PCDH15: variants seen among roughly 807,000 people sequenced by gnomAD.
PCDH15 encodes the protein protocadherin related 15.
In PCDH15, 129 loss-of-function variants were observed where a neutral mutation model predicts 178.5. The observed-to-expected ratio is 0.72, with a 90% CI of 0.63 to 0.84. The LOEUF (loss-of-function observed/expected upper bound fraction) is 0.84, where lower values mean the gene tolerates loss of function less well. Among genes scored for constraint, PCDH15 ranks in the 40% least tolerant of loss-of-function variants. The probability of loss-of-function intolerance (pLI) is 0.00; values close to 1 mark genes in which losing one functional copy is unlikely to be tolerated. For synonymous variants in PCDH15, 800 were observed against 732.0 expected (o/e 1.09, Z -1.50); for missense variants, 2,230 against 2,099.9 (o/e 1.06, Z -1.21).
At chr10:54,185,840 CAT>C (rs372424697) in intron 11 of PCDH15, among the ~76,000 whole-genome samples, 70 of 151,902 alleles carry the variant, frequency 4.6e-4, no homozygotes, top group African/African-American at 1.5e-3. Context: ...CAAATGGAAA[CAT>C]GTTTACTTTA....
At chr10:54,541,444 T>C (rs746127035) in intron 2 of PCDH15, among the ~76,000 whole-genome samples, 63 of 152,184 alleles carry the variant, frequency 4.1e-4, no homozygotes, top group Non-Finnish European at 6.5e-4. Flanking sequence ...ACTTTCTTTT[T>C]AAAAATTATC....
At chr10:55,172,319 T>G (rs544478467) in intron 1 of PCDH15, among the ~76,000 whole-genome samples, 1 of 151,874 alleles carries the variant, frequency 6.6e-6, no homozygotes, top group South Asian at 2.1e-4. Context: ...ATATTGCAGC[T>G]TTTTTTTCAA....
At chr10:55,151,063 C>T (rs1838696649) in intron 2 of PCDH15, among the ~76,000 whole-genome samples, 2 of 152,054 alleles carry the variant, frequency 1.3e-5, no homozygotes, top group Admixed American at 1.3e-4. Flanking sequence ...GCCTATTCAA[C>T]AATGATACAG....
At chr10:55,120,529 A>G (rs147766627) in intron 2 of PCDH15, among the ~76,000 whole-genome samples, 1 of 152,188 alleles carries the variant, frequency 6.6e-6, no homozygotes, top group Admixed American at 6.5e-5. Flanking sequence ...GAGAATAAAT[A>G]GAAGAGATCC....
chr10:55,199,908 C>T (rs1209936800), intron 1 of PCDH15, among the ~76,000 whole-genome samples: 1 of 152,116 alleles, frequency 6.6e-6, no homozygotes, highest in Non-Finnish European at 1.5e-5. Flanking sequence ...GGTTTGGTAG[C>T]CTCCACCTAG....
intron 2 of PCDH15, among the ~76,000 whole-genome samples, chr10:55,145,453 T>C (rs1838481506): frequency 6.6e-6 from 1 of 151,968 alleles, no homozygotes; most frequent in Non-Finnish European, 1.5e-5. Context: ...TAGAGAAGAG[T>C]GTGAACATTC....
intron 2 of PCDH15, among the ~76,000 whole-genome samples, chr10:55,349,038 T>C (rs1216853374): frequency 2.6e-5 from 4 of 152,038 alleles, no homozygotes; most frequent in Non-Finnish European, 1.5e-5. Flanking sequence ...AGGTGACAGA[T>C]TGCATGGACT....
At chr10:54,640,895 G>A (rs2093972671) in intron 2 of PCDH15, among the ~76,000 whole-genome samples, 1 of 152,110 alleles carries the variant, frequency 6.6e-6, no homozygotes, top group Non-Finnish European at 1.5e-5. Context: ...CTTGAGGTCA[G>A]GAGTTGGAGA....
intron 3 of PCDH15, among the ~76,000 whole-genome samples, chr10:54,857,068 G>GTTC (rs763310550): frequency 2.0e-5 from 3 of 152,056 alleles, no homozygotes; most frequent in Non-Finnish European, 2.9e-5. Flanking sequence ...TCTGCAGGTC[G>GTTC]TAAGTGTGCA....
chr10:54,563,399 A>G (rs1323366678), intron 2 of PCDH15, among the ~76,000 whole-genome samples: 4 of 151,996 alleles, frequency 2.6e-5, no homozygotes, highest in African/African-American at 9.7e-5. Context: ...GTAATTGCCT[A>G]AGTATCTGGA....
At chr10:53,951,145 T>C (rs1456529584) in intron 23 of PCDH15, among the ~76,000 whole-genome samples, 1 of 152,226 alleles carries the variant, frequency 6.6e-6, no homozygotes, top group Non-Finnish European at 1.5e-5. Flanking sequence ...ATTAACACAT[T>C]TTTCTCAATT....
intron 1 of PCDH15, among the ~76,000 whole-genome samples, chr10:55,227,215 T>C (rs1331523093): frequency 6.6e-6 from 1 of 152,092 alleles, no homozygotes; most frequent in Non-Finnish European, 1.5e-5. Flanking sequence ...GCTGTCAGCC[T>C]TCTCGACAAA....
At position 54,020,185 on chromosome 10, in the gene PCDH15, C is replaced by G; in HGVS notation, c.2751+7G>C. 1 of 1,612,682 alleles carries G rather than the reference C, an allele frequency of 6.2e-7. No individual in the cohort carries two copies. Among genetic ancestry groups the G allele is most frequent in the Non-Finnish European group, 8.5e-7 (1 of 1,178,986 alleles). On this transcript the variant is annotated splice_region_variant and intron_variant, in intron 20 of 37. Coordinates refer to ENST00000644397, the MANE Select transcript of PCDH15 (RefSeq NM_001384140.1). ...GCAGGCAACCAGAAGTCATCTCTAGCCCTTACCTTTACAATCACTGTGACA... is the reference window on the plus strand; with the variant it reads ...GCAGGCAACCAGAAGTCATCTCTAGGCCTTACCTTTACAATCACTGTGACA...
chr10:54,972,379 A>C (rs189826651), intron 2 of PCDH15, among the ~76,000 whole-genome samples: 1 of 151,946 alleles, frequency 6.6e-6, no homozygotes, highest in East Asian at 2.0e-4. Context: ...ATCTCTACTA[A>C]AAATATGAAA....
At chr10:55,295,527 T>C (rs1419300696) in intron 1 of PCDH15, among the ~76,000 whole-genome samples, 2 of 152,170 alleles carry the variant, frequency 1.3e-5, no homozygotes, top group South Asian at 2.1e-4. Flanking sequence ...CTCGCCTTCA[T>C]AGAAAAAGGA....
At chr10:55,474,886 C>A (rs926200317) in intron 2 of PCDH15, among the ~76,000 whole-genome samples, 19 of 152,120 alleles carry the variant, frequency 1.2e-4, no homozygotes, top group Non-Finnish European at 2.4e-4. Context: ...CATGAATAAG[C>A]CCTGTCGATT....
At chr10:55,339,108 T>G (rs1297183300) in intron 2 of PCDH15, among the ~76,000 whole-genome samples, 1 of 152,230 alleles carries the variant, frequency 6.6e-6, no homozygotes, top group African/African-American at 2.4e-5. Context: ...AACAAGAATC[T>G]ATTATGTATT....
intron 10 of PCDH15, among the ~76,000 whole-genome samples, chr10:54,213,329 T>A (rs898834792): frequency 1.3e-5 from 2 of 152,110 alleles, no homozygotes; most frequent in Non-Finnish European, 2.9e-5. Flanking sequence ...ATCTATTTAA[T>A]GATTATATTA....
chr10:54,899,710 T>C (rs1954610707), intron 2 of PCDH15, among the ~76,000 whole-genome samples: 1 of 152,098 alleles, frequency 6.6e-6, no homozygotes, highest in Non-Finnish European at 1.5e-5. Flanking sequence ...TTAGCTAGGA[T>C]GGTCTCGAAC....
Sources: gnomAD v4.1 joint callset for allele counts (sites outside exome capture counted in the v4.1 genomes callset) on GRCh38, gnomAD v4.1.1 for gene constraint, MANE v1.5 for transcripts, NCBI Gene and HGNC (gene_info 2026-07-23, HGNC 2026-07-21) for gene names.